Variants in EFCAB13 observed in about 807,000 individuals in gnomAD.
The protein encoded by EFCAB13 is EF-hand calcium-binding domain-containing protein 13.
In EFCAB13, 91 loss-of-function variants were observed where a neutral mutation model predicts 110.2. That is an observed-to-expected ratio of 0.83 (90% confidence interval 0.70 to 0.98). The LOEUF is 0.98. EFCAB13 is among the 50% of genes least tolerant of loss of function. EFCAB13 has a pLI of 0.00. For missense variants in EFCAB13, 968 were observed against 1,119.4 expected (o/e 0.86, Z 1.93); for synonymous variants, 323 against 369.9 (o/e 0.87, Z 1.45).
chr17:47,340,042 C>T (rs2065375064), intron 5 of EFCAB13: 1 of 152,070 alleles, frequency 6.6e-6, no homozygotes, highest in Admixed American at 6.6e-5. Context: ...AAAATTAGAG[C>T]ATCAATAAGT....
At chr17:47,427,782 C>T (rs1798739558) in intron 23 of EFCAB13, among the ~76,000 whole-genome samples, 1 of 151,990 alleles carries the variant, frequency 6.6e-6, no homozygotes, top group South Asian at 2.1e-4. Context: ...CAATCTCTCC[C>T]TTCCCCTTTC....
At chr17:47,404,501 A>T in intron 19 of EFCAB13, 61 bp from the exon 20 acceptor site, 1 of 1,255,902 alleles carries the variant, frequency 8.0e-7, no homozygotes, top group Non-Finnish European at 1.1e-6. Flanking sequence ...TTTTGATACT[A>T]GCCTTTAAGT....
intron 17 of EFCAB13, among the ~76,000 whole-genome samples, chr17:47,397,784 C>T (rs1404529728): frequency 2.0e-5 from 3 of 151,796 alleles, no homozygotes; most frequent in East Asian, 2.0e-4. Context: ...GGCAACCGCC[C>T]GTCTGAGAAG....
At chr17:47,393,347 A>G (rs1421489070) in intron 15 of EFCAB13, among the ~76,000 whole-genome samples, 3 of 152,194 alleles carry the variant, frequency 2.0e-5, no homozygotes, top group Non-Finnish European at 2.9e-5. Context: ...TGCATATCCC[A>G]TGGTTTAGAA....
intron 23 of EFCAB13, among the ~76,000 whole-genome samples, chr17:47,417,931 A>T (rs191390472): frequency 2.8e-4 from 43 of 152,232 alleles, no homozygotes; most frequent in African/African-American, 1.0e-3. Flanking sequence ...ATGACCCCCT[A>T]ATGTAGAGGC....
At chr17:47,423,433 G>T in intron 23 of EFCAB13, 1 of 189,150 alleles carries the variant, frequency 5.3e-6, no homozygotes, top group Non-Finnish European at 1.1e-5. Flanking sequence ...CGTCGGCTGC[G>T]CCCGCGGCCC....
intron 4 of EFCAB13, among the ~76,000 whole-genome samples, chr17:47,329,695 T>A (rs1305055955): frequency 6.6e-6 from 1 of 152,180 alleles, no homozygotes; most frequent in African/African-American, 2.4e-5. Flanking sequence ...GATTGTTTTC[T>A]TCTTCTGTGT....
intron 23 of EFCAB13, among the ~76,000 whole-genome samples, chr17:47,424,125 G>A (rs1056754785): frequency 2.0e-5 from 3 of 152,186 alleles, no homozygotes; most frequent in African/African-American, 7.2e-5. Flanking sequence ...TGCCAGGAGA[G>A]CGGACGAGGC....
At chr17:47,335,568 A>G (rs2065344696) in intron 5 of EFCAB13, among the ~76,000 whole-genome samples, 1 of 152,160 alleles carries the variant, frequency 6.6e-6, no homozygotes, top group Non-Finnish European at 1.5e-5. Flanking sequence ...ATAGGCTTCC[A>G]TGTTGTCTAA....
At position 47,371,675 on chromosome 17, in the gene EFCAB13, G is replaced by A. The variant is rs146014055; in HGVS notation, c.877+1167G>A. 3.6e-3 allele frequency among the ~76,000 whole-genome samples: 555 copies of A among 152,178 alleles called. 2 individuals carry two copies. The highest frequency in any genetic ancestry group is 6.6e-3 in the Non-Finnish European group (447 of 68,006). On this transcript the variant is annotated intron_variant, in intron 11 of 24. Transcript: ENST00000331493. ...GTCACCCAGGCTGGAGTGCAGTGGC[G>A]TGATCTCAGCTCACTGCAACCTCTG...
Position 47,344,308 on chromosome 17 carries a change from T to C in EFCAB13, c.434+16T>C. On this transcript the variant is annotated intron_variant, in intron 7 of 24. Transcript: ENST00000331493. ...CAATTACTCGGTATTTAAATCCTTG[T>C]ACTCTATTTTTTAAATGTTGGGTTC... is the stretch of plus-strand genomic sequence containing the variant. 6.2e-7 allele frequency: 1 copy of C among 1,606,202 alleles called. No individual in the cohort carries two copies. Among genetic ancestry groups the C allele is most frequent in the East Asian group, 2.2e-5 (1 of 44,682 alleles).
intron 18 of EFCAB13, among the ~76,000 whole-genome samples, chr17:47,403,031 A>G (rs2065786818): frequency 6.6e-6 from 1 of 152,218 alleles, no homozygotes; most frequent in African/African-American, 2.4e-5. Context: ...AAGGCAAGAA[A>G]GCAGAGCTGA....
At chr17:47,380,544 T>G (rs569429041) in intron 14 of EFCAB13, among the ~76,000 whole-genome samples, 147 of 152,344 alleles carry the variant, frequency 9.6e-4, no homozygotes, top group African/African-American at 3.3e-3. Context: ...TAAACATACA[T>G]GTGCATGTGT....
chr17:47,342,521 G>A (rs2065391692), intron 6 of EFCAB13, among the ~76,000 whole-genome samples: 1 of 152,130 alleles, frequency 6.6e-6, no homozygotes, highest in African/African-American at 2.4e-5. Context: ...CAAATAAGGT[G>A]ACATTCACAG....
At chr17:47,337,775 G>C (rs140530737) in intron 5 of EFCAB13, among the ~76,000 whole-genome samples, 1 of 152,138 alleles carries the variant, frequency 6.6e-6, no homozygotes, top group Admixed American at 6.5e-5. Context: ...TACAAAAGTT[G>C]TTTTTCAGGA....
chr17:47,328,491 T>A, intron 4 of EFCAB13, 108 bp downstream of exon 4: 3 of 884,092 alleles, frequency 3.4e-6, no homozygotes, highest in Non-Finnish European at 5.2e-6. Flanking sequence ...GTAATAGTTA[T>A]AAGGAACCTG....
chr17:47,350,695 T>C (rs2065444839), intron 9 of EFCAB13, among the ~76,000 whole-genome samples: 1 of 152,136 alleles, frequency 6.6e-6, no homozygotes. Flanking sequence ...TATCTCTTCC[T>C]AAAAATTTCA....
rs1309971121 is a variant in EFCAB13 at position 47,361,455 on chromosome 17, G to C, written c.739G>C (p.Asp247His). ...AACTGATGACGTGTTTGCTGTTTTG[G>C]ATAGCATGGGTATCCCTATAAACCG... ...VSTDDVFAVL[D>H]SMGIPINREI... The change falls in exon 10 of 25, where the codon GAT (aspartate) becomes CAT (histidine). Residue 247 changes from aspartate to histidine, a missense_variant. Transcript: ENST00000331493. 2 of 1,613,600 alleles carry C rather than the reference G, an allele frequency of 1.2e-6. No individual in the cohort carries two copies. The highest frequency in any genetic ancestry group is 2.7e-5 in the African/African-American group (2 of 74,878).
In EFCAB13 at chr17:47,403,976, C is replaced by T; in HGVS notation, c.2116C>T (p.Pro706Ser). ...TCTAAGAAATGTTGGGATTAAGTCA[C>T]CTAAAGAAGAGGTAGAGAAAATTCT... ...DFLRNVGIKS[P>S]KEEVEKILQS... The change falls in exon 19 of 25, where the codon CCT (proline) becomes TCT (serine). Residue 706 changes from proline (P) to serine (S), a missense_variant. Physicochemically the swap from Pro to Ser is moderately conservative, Grantham distance 74. Coordinates refer to ENST00000331493, the MANE Select transcript of EFCAB13 (RefSeq NM_152347.5). 1 of 1,606,138 alleles carries T rather than the reference C, an allele frequency of 6.2e-7. No individual in the cohort carries two copies. The highest frequency in any genetic ancestry group is 8.5e-7 in the Non-Finnish European group (1 of 1,176,096).
Sources: gnomAD v4.1 joint callset for allele counts (sites outside exome capture counted in the v4.1 genomes callset) on GRCh38, gnomAD v4.1.1 for gene constraint, MANE v1.5 for transcripts, NCBI Gene and HGNC (gene_info 2026-07-23, HGNC 2026-07-21) for gene names.